MEF2B: variants seen among roughly 807,000 people sequenced by gnomAD.
The protein encoded by MEF2B is myocyte-specific enhancer factor 2B.
MEF2B carries 15 observed loss-of-function variants against 32.2 expected under a neutral mutation model. The observed-to-expected ratio is 0.47, with a 90% CI of 0.31 to 0.72. The LOEUF (loss-of-function observed/expected upper bound fraction) is 0.72, where lower values mean the gene tolerates loss of function less well. Among genes scored for constraint, MEF2B ranks in the 30% least tolerant of loss-of-function variants. MEF2B has a pLI of 0.05. For synonymous variants in MEF2B, 205 were observed against 225.6 expected (o/e 0.91, Z 0.82); for missense variants, 441 against 511.5 (o/e 0.86, Z 1.33).
intron 1 of MEF2B, among the ~76,000 whole-genome samples, chr19:19,158,374 T>G (rs1568551705): frequency 6.9e-6 from 1 of 145,980 alleles, no homozygotes; most frequent in Non-Finnish European, 1.5e-5. Flanking sequence ...GGCGTGAGCA[T>G]GGGCGCCCCC....
At chr19:19,157,738 C>T (rs774955285) in intron 1 of MEF2B, among the ~76,000 whole-genome samples, 6 of 152,190 alleles carry the variant, frequency 3.9e-5, no homozygotes, top group Non-Finnish European at 7.3e-5. Context: ...ATCCTAGCTA[C>T]TCGGGAGGCT....
At position 19,149,353 on chromosome 19, in the gene MEF2B, G is replaced by A. The variant is rs1431677747; in HGVS notation, c.131C>T (p.Ala44Val). 6.2e-7 allele frequency: 1 copy of A among 1,613,900 alleles called. No individual in the cohort carries two copies. Among genetic ancestry groups the A allele is most frequent in the Non-Finnish European group, 8.5e-7 (1 of 1,180,008 alleles). ...GTTGGCGCTGTTGAAGATGATGAGG[G>A]CTATCTCACAGTCACAGAGCACGCT... The part of the protein sequence containing the change: ...ELSVLCDCEI[A>V]LIIFNSANRL... Residue 44 changes from alanine to valine, a missense_variant, in exon 3 of 9, where the codon GCC becomes GTC. Ala to Val is a moderately conservative substitution (Grantham distance 64, BLOSUM62 0). This residue lies in a region of MEF2B where 115 missense variants were observed against 183.1 expected (regional missense o/e 0.63). Coordinates refer to ENST00000424583, the MANE Select transcript of MEF2B (RefSeq NM_001145785.2).
In MEF2B at chr19:19,145,636, C is replaced by T; in HGVS notation, c.*161G>A. 6.7e-7 allele frequency: 1 copy of T among 1,496,874 alleles called. No homozygotes were observed. The highest frequency in any genetic ancestry group is 2.5e-5 in the East Asian group (1 of 40,140). 92.7% of individuals were successfully genotyped at this position (1,496,874 alleles called of 1,614,324 possible). A position where few individuals can be genotyped will look rare whatever the true frequency, so the allele number is the denominator to read the frequency against. ...ACAAATAGGAAGAAGGAAAGGAGCC[C>T]CCCAGGGTGGATTGAGTCCAGCCGC... On this transcript the variant is annotated 3_prime_UTR_variant, in exon 9 of 9. Coordinates refer to ENST00000424583, the MANE Select transcript of MEF2B (RefSeq NM_001145785.2). This position sits in a 1 kb window ranked among gnomAD's most constrained non-coding sequence, Gnocchi z 4.6.
chr19:19,155,643 C>G (rs533848011), intron 1 of MEF2B, among the ~76,000 whole-genome samples: 232 of 152,342 alleles, frequency 1.5e-3, no homozygotes, highest in African/African-American at 5.2e-3. Flanking sequence ...TGACCTGTCT[C>G]GGGCCCAGGT....
intron 1 of MEF2B, among the ~76,000 whole-genome samples, chr19:19,166,072 C>T (rs1170556843): frequency 6.6e-6 from 1 of 152,114 alleles, no homozygotes; most frequent in Non-Finnish European, 1.5e-5. Flanking sequence ...CCCAGACACC[C>T]CAGGGAAGCA....
intron 2 of MEF2B, among the ~76,000 whole-genome samples, chr19:19,149,957 C>T (rs538675898): frequency 2.0e-5 from 3 of 151,286 alleles, no homozygotes; most frequent in South Asian, 2.1e-4. Flanking sequence ...TGGTGGTGGG[C>T]GCCTGTAATC....
rs2060186350 is a variant in MEF2B, at chr19:19,163,899, G to C, written c.-30+6306C>G. On this transcript the variant is annotated intron_variant, in intron 1 of 8. Coordinates refer to ENST00000424583, the MANE Select transcript of MEF2B (RefSeq NM_001145785.2). The stretch of plus-strand genomic sequence containing the variant: ...GCCCAAGCTGGTCTTGAACTCTTGA[G>C]CTCAAGCAATCTGCCTGCCTTGGCC... Among the ~76,000 whole-genome samples, 5 of 152,170 alleles carry C rather than the reference G, an allele frequency of 3.3e-5. No individual in the cohort carries two copies. In the South Asian group the frequency reaches 1.0e-3, roughly 32 times the overall value.
At chr19:19,165,018 C>T (rs927254900) in intron 1 of MEF2B, among the ~76,000 whole-genome samples, 1 of 152,224 alleles carries the variant, frequency 6.6e-6, no homozygotes, top group South Asian at 2.1e-4. Flanking sequence ...ACCCTGCCCA[C>T]AGCCCGGCAG....
chr19:19,167,350 CAAAAA>C (rs34446494), intron 1 of MEF2B, among the ~76,000 whole-genome samples: 2 of 98,564 alleles, frequency 2.0e-5, no homozygotes, highest in Non-Finnish European at 4.0e-5. Flanking sequence ...GACTCTGTCT[CAAAAA>C]AAAAAAAAAA....
chr19:19,164,549 C>T (rs965711263), intron 1 of MEF2B, among the ~76,000 whole-genome samples: 3 of 152,230 alleles, frequency 2.0e-5, no homozygotes, highest in Non-Finnish European at 2.9e-5. Flanking sequence ...TGCGGTGGCT[C>T]ACGCCTGTAA....
chr19:19,151,952 A>ATC (rs2060084969), intron 1 of MEF2B, among the ~76,000 whole-genome samples: 1 of 124,324 alleles, frequency 8.0e-6, no homozygotes, highest in African/African-American at 3.1e-5. Context: ...CTAAAACCCC[A>ATC]TCTCTATTTT....
chr19:19,150,261 G>C (rs144488532), intron 2 of MEF2B, among the ~76,000 whole-genome samples: 1,565 of 151,196 alleles, frequency 0.01, 28 homozygotes, highest in African/African-American at 0.036. Flanking sequence ...CAGGCGCGGT[G>C]GCTCACGCCT....
chr19:19,148,394 G>A (rs764485061), intron 3 of MEF2B, among the ~76,000 whole-genome samples: 1 of 152,228 alleles, frequency 6.6e-6, no homozygotes, highest in Non-Finnish European at 1.5e-5. Context: ...GAATCCGAGA[G>A]GCGGAGGTTG....
intron 1 of MEF2B, among the ~76,000 whole-genome samples, chr19:19,152,697 G>A (rs141147686): frequency 2.2e-4 from 33 of 152,324 alleles, no homozygotes; most frequent in African/African-American, 7.5e-4. Context: ...GCGAGACTCC[G>A]TCTCAAAAAC....
chr19:19,152,387 A>AAAAAAAG (rs1555774946), intron 1 of MEF2B, among the ~76,000 whole-genome samples: 1,667 of 146,728 alleles, frequency 0.011, 44 homozygotes, highest in African/African-American at 0.039. Context: ...TCTCAAAAAA[A>AAAAAAAG]AAAAAGAAAA....
rs747005371 is a variant in MEF2B at position 19,146,253 on chromosome 19, C to G, written c.881+20G>C. On this transcript the variant is annotated intron_variant, in intron 8 of 8. Transcript: ENST00000424583. ...GGGGCTTTGGAGGACTGGGACTTGC[C>G]GTCGTCTCAGGGCACTTACCTGGGC... The G allele has an allele frequency of 2.2e-5, 25 of 1,130,750 alleles. No individual in the cohort carries two copies. Among genetic ancestry groups the G allele is most frequent in the Non-Finnish European group, 2.8e-5 (24 of 853,224 alleles). 70.0% of individuals were successfully genotyped at this position (1,130,750 alleles called of 1,614,324 possible).
intron 1 of MEF2B, among the ~76,000 whole-genome samples, chr19:19,169,817 G>C (rs2060239372): frequency 6.6e-6 from 1 of 152,054 alleles, no homozygotes; most frequent in Non-Finnish European, 1.5e-5. Context: ...TGTGCACAGG[G>C]GATGCGCTAA....
chr19:19,153,973 A>C (rs2146364652), intron 1 of MEF2B, among the ~76,000 whole-genome samples: 1 of 151,952 alleles, frequency 6.6e-6, no homozygotes, highest in African/African-American at 2.4e-5. Context: ...GGTTGGTCTC[A>C]AACTCCTGGC....
At chr19:19,150,811 G>A (rs557135487) in intron 1 of MEF2B, 47 bp from the exon 2 acceptor site, 14 of 1,607,392 alleles carry the variant, frequency 8.7e-6, no homozygotes, top group Middle Eastern at 1.7e-4. Flanking sequence ...TGGAGAGTGG[G>A]GAGGGGTACC....
Sources: allele counts gnomAD v4.1 joint callset (sites outside exome capture counted in the v4.1 genomes callset), GRCh38; gene constraint gnomAD v4.1.1; regional missense constraint gnomAD v4.1.1; non-coding constraint Gnocchi (gnomAD v3.1); transcripts MANE v1.5; gene names NCBI Gene and HGNC (gene_info 2026-07-23, HGNC 2026-07-21).